Variants in PDE4A observed in about 807,000 individuals in gnomAD.
PDE4A encodes phosphodiesterase 4A.
PDE4A carries 21 observed loss-of-function variants against 73.9 expected under a neutral mutation model. The ratio of observed to expected loss-of-function variants is 0.28; its 90% CI spans 0.20 to 0.41. The LOEUF is 0.41. Among genes scored for constraint, PDE4A ranks in the 10% least tolerant of loss-of-function variants. PDE4A has a pLI of 1.00. For missense variants in PDE4A, 958 were observed against 1,211.4 expected (o/e 0.79, Z 3.10); for synonymous variants, 463 against 505.4 (o/e 0.92, Z 1.13).
rs955331395 is a variant in PDE4A at position 10,431,173 on chromosome 19, C to G, written c.320+10089C>G. On this transcript the variant is annotated intron_variant, in intron 1 of 14. Transcript: ENST00000380702. ...GTCTAGGGTTCGTGGCTCACTCTCT[C>G]CAGCCTCACTTTCCTCTTCTGTCAC... 5 of 904,222 alleles carry G rather than the reference C, an allele frequency of 5.5e-6. No homozygotes were observed. The Admixed American group carries it at 1.2e-4, about 21-fold the overall frequency. 56.0% of individuals were successfully genotyped at this position (904,222 alleles called of 1,614,324 possible).
Position 10,467,559 on chromosome 19 carries a change from G to C in PDE4A, c.2599G>C (p.Gly867Arg). 1 of 1,608,656 alleles carries C rather than the reference G, an allele frequency of 6.2e-7. No homozygotes were observed. The highest frequency in any genetic ancestry group is 8.5e-7 in the Non-Finnish European group (1 of 1,177,168). Reference sequence around the variant, plus strand: ...TTGCAGTGCCTGCGCAGGGACATTTGGGGAGGACACATCCGCACTCCCAGC... The same window carrying C: ...TTGCAGTGCCTGCGCAGGGACATTTCGGGAGGACACATCCGCACTCCCAGC... ...RACSACAGTF[G>R]EDTSALPAPG... The change falls in exon 15 of 15, where the codon GGG becomes CGG. Residue 867 changes from glycine to arginine, a missense_variant. Physicochemically the swap from Gly to Arg is moderately radical, Grantham distance 125 (BLOSUM62 -2). Transcript: ENST00000380702.
intron 1 of PDE4A, among the ~76,000 whole-genome samples, chr19:10,438,408 G>A (rs2042894166): frequency 1.3e-5 from 2 of 151,886 alleles, no homozygotes; most frequent in Admixed American, 1.3e-4. Flanking sequence ...ACCACACCTG[G>A]CCAGGACTTT....
chr19:10,435,103 G>A (rs1050297377), intron 1 of PDE4A, among the ~76,000 whole-genome samples: 12 of 151,742 alleles, frequency 7.9e-5, no homozygotes, highest in East Asian at 1.9e-4. Flanking sequence ...TTTGTGTCCC[G>A]TCAGTCCCTG....
intron 1 of PDE4A, among the ~76,000 whole-genome samples, chr19:10,429,437 G>T (rs147515027): frequency 4.1e-4 from 62 of 152,158 alleles, no homozygotes; most frequent in African/African-American, 1.4e-3. Context: ...TCTTGGCTCA[G>T]GTGATCTTCC....
chr19:10,448,879 TC>T (rs1414531888), intron 2 of PDE4A, 37 bp from the exon 3 acceptor site: 1 of 1,612,998 alleles, frequency 6.2e-7, no homozygotes, highest in South Asian at 1.1e-5. Flanking sequence ...CAGTTGCTTC[TC>T]TGCGGACCCC....
chr19:10,454,292 C>A (rs1322859660), intron 6 of PDE4A, among the ~76,000 whole-genome samples: 1 of 152,196 alleles, frequency 6.6e-6, no homozygotes, highest in African/African-American at 2.4e-5. Context: ...TACCACGTTC[C>A]CTTTTTCCAA....
chr19:10,437,771 G>A (rs1017095749), intron 1 of PDE4A, among the ~76,000 whole-genome samples: 2 of 145,844 alleles, frequency 1.4e-5, no homozygotes, highest in Non-Finnish European at 3.0e-5. Flanking sequence ...CATTCACATT[G>A]TTGTGCAACC....
Position 10,458,991 on chromosome 19 carries a change from C to G in PDE4A, c.1102-409C>G. The stretch of plus-strand genomic sequence containing the variant: ...TTTGGAGAGACATGGAAAATAAGCC[C>G]TTCTTCCTTTCTCCCCTGGGGCTCG... On this transcript the variant is annotated intron_variant, in intron 8 of 14. Transcript: ENST00000380702. This position sits in a 1 kb window ranked among gnomAD's most constrained non-coding sequence, Gnocchi z 4.6. The G allele has an allele frequency of 5.5e-6, 1 of 180,524 alleles. No homozygotes were observed. The highest frequency in any genetic ancestry group is 1.2e-5 in the Non-Finnish European group (1 of 84,576). The allele number at this position is 180,524 out of a possible 1,614,324, so 11.2% of individuals were successfully genotyped here.
At chr19:10,461,437 A>C in intron 11 of PDE4A, 89 bp from the exon 12 acceptor site, 1 of 1,536,612 alleles carries the variant, frequency 6.5e-7, no homozygotes, top group Admixed American at 1.8e-5. Flanking sequence ...CGGGCTGGGG[A>C]GGGGTTAGCT....
chr19:10,444,824 C>T lies in PDE4A; in HGVS notation c.321-1394C>T, dbSNP rs533292899. Among the ~76,000 whole-genome samples the T allele has an allele frequency of 3.2e-4, 48 of 152,172 alleles. 1 individual carries two copies. Among genetic ancestry groups the T allele is most frequent in the African/African-American group, 1.1e-3 (47 of 41,530 alleles). On this transcript the variant is annotated intron_variant, in intron 1 of 14. Transcript: ENST00000380702. ...AGTAGCTGGGATTACAGGCATCCAC[C>T]ACCACGCCTGGCTAATTTTTGTATT... is the stretch of plus-strand genomic sequence containing the variant.
At chr19:10,428,698 G>T in intron 1 of PDE4A, 1 of 832,022 alleles carries the variant, frequency 1.2e-6, no homozygotes, top group Non-Finnish European at 1.4e-6. Context: ...GAGGCTCAAT[G>T]AAATGAAGTG....
chr19:10,460,931 T>G, intron 10 of PDE4A, 73 bp from the exon 11 acceptor site: 2 of 1,499,756 alleles, frequency 1.3e-6, no homozygotes, highest in Non-Finnish European at 9.0e-7. Context: ...CCTAAGTAGG[T>G]GAGACAAACA....
chr19:10,428,099 C>G (rs1235546772), intron 1 of PDE4A, among the ~76,000 whole-genome samples: 1 of 151,930 alleles, frequency 6.6e-6, no homozygotes, highest in African/African-American at 2.4e-5. Flanking sequence ...CGCCTGTAAT[C>G]CCAGCACTTT....
At chr19:10,440,663 A>T (rs756390624) in intron 1 of PDE4A, among the ~76,000 whole-genome samples, 4 of 152,156 alleles carry the variant, frequency 2.6e-5, no homozygotes, top group Non-Finnish European at 5.9e-5. Flanking sequence ...CAATGTCGCG[A>T]TCTCAGCTCA....
upstream of PDE4A, chr19:10,417,785 G>A (rs767278379): frequency 6.4e-7 from 1 of 1,561,544 alleles, no homozygotes; most frequent in Non-Finnish European, 8.6e-7. Context: ...CGGACCCTGG[G>A]GTCCCTCTGC....
intron 11 of PDE4A, 23 bp from the exon 12 acceptor site, chr19:10,461,503 C>T (rs776030597): frequency 5.6e-6 from 9 of 1,612,108 alleles, no homozygotes; most frequent in Non-Finnish European, 7.6e-6. Context: ...GGGCCCTCCC[C>T]TGACCTCCGG....
At position 10,420,687 on chromosome 19, in the gene PDE4A, C is replaced by T; in HGVS notation, c.-78C>T. On this transcript the variant is annotated 5_prime_UTR_variant, in exon 1 of 15. Transcript: ENST00000380702. The surrounding 1 kb of genome is among the most constrained non-coding windows in gnomAD (Gnocchi z 6.0). The stretch of plus-strand genomic sequence containing the variant: ...GGGCGCACCCGCGGGGCCCTGGGCT[C>T]GCTGGCTTGCGCGCAGCTGAGCGGG... 7.2e-7 allele frequency: 1 copy of T among 1,385,230 alleles called. No homozygotes were observed. The highest frequency in any genetic ancestry group is 9.3e-7 in the Non-Finnish European group (1 of 1,079,604). 85.8% of individuals were successfully genotyped at this position (1,385,230 alleles called of 1,614,324 possible).
chr19:10,419,290 G>C (rs571134840), upstream of PDE4A, among the ~76,000 whole-genome samples: 1 of 149,760 alleles, frequency 6.7e-6, no homozygotes, highest in Non-Finnish European at 1.5e-5. Flanking sequence ...CCATCCTTGG[G>C]GGGGTTGAGG....
intron 7 of PDE4A, among the ~76,000 whole-genome samples, chr19:10,456,782 C>T (rs1424596293): frequency 1.3e-5 from 2 of 152,166 alleles, no homozygotes; most frequent in Non-Finnish European, 2.9e-5. Context: ...CCCTTAAGTT[C>T]ATGGGTACCT....
Sources: gnomAD v4.1 joint callset for allele counts (sites outside exome capture counted in the v4.1 genomes callset) on GRCh38, gnomAD v4.1.1 for gene constraint, Gnocchi (gnomAD v3.1) non-coding constraint, MANE v1.5 for transcripts, NCBI Gene and HGNC (gene_info 2026-07-23, HGNC 2026-07-21) for gene names.